Variants in TDRD1 observed in about 807,000 individuals in gnomAD.
TDRD1 encodes the protein tudor domain containing 1.
A neutral mutation model predicts 140.6 loss-of-function variants in TDRD1; 37 were observed. The observed-to-expected ratio is 0.26, with a 90% CI of 0.20 to 0.35. TDRD1 has a LOEUF of 0.35. Ranked by LOEUF, TDRD1 falls within the 10% of genes least tolerant of loss-of-function variation. The probability of loss-of-function intolerance (pLI) is 1.00; values close to 1 mark genes in which losing one functional copy is unlikely to be tolerated. For missense variants in TDRD1, 1,243 were observed against 1,393.0 expected, an observed-to-expected ratio of 0.89 and a Z score of 1.71; for synonymous variants, 506 against 475.7, an observed-to-expected ratio of 1.06 and a Z score of -0.83.
intron 10 of TDRD1, among the ~76,000 whole-genome samples, 189 bp from the exon 11 acceptor site, chr10:114,206,055 T>A (rs2133009752): frequency 6.6e-6 from 1 of 152,342 alleles, no homozygotes; most frequent in South Asian, 2.1e-4. Flanking sequence ...ACTACAGTAA[T>A]TTTGCCTCAG....
chr10:114,230,575 T>C (rs2036700654), intron 25 of TDRD1, among the ~76,000 whole-genome samples: 1 of 152,180 alleles, frequency 6.6e-6, no homozygotes, highest in Admixed American at 6.5e-5. Flanking sequence ...CTTAAAACAG[T>C]TGTGTCAACT....
At chr10:114,205,838 T>C (rs989621229) in intron 10 of TDRD1, among the ~76,000 whole-genome samples, 2 of 152,196 alleles carry the variant, frequency 1.3e-5, no homozygotes, top group Admixed American at 6.5e-5. Context: ...TCAATAATAA[T>C]TGTACATTTT....
chr10:114,205,051 G>A (rs1249231101), intron 10 of TDRD1, among the ~76,000 whole-genome samples, 158 bp downstream of exon 10: 1 of 152,216 alleles, frequency 6.6e-6, no homozygotes, highest in African/African-American at 2.4e-5. Context: ...GTTTGTCAAA[G>A]ACATGACACA....
chr10:114,199,056 TAGG>T, intron 3 of TDRD1, 114 bp from the exon 4 acceptor site: 2 of 1,146,182 alleles, frequency 1.7e-6, no homozygotes, highest in Admixed American at 2.5e-5. Context: ...TTTACCTTAA[TAGG>T]AGGAATAAGG....
intron 11 of TDRD1, 72 bp downstream of exon 11, chr10:114,206,402 C>A: frequency 1.6e-6 from 2 of 1,231,948 alleles, no homozygotes; most frequent in Non-Finnish European, 2.4e-6. Flanking sequence ...TAAACAAAGG[C>A]ACAACTTTAG....
At chr10:114,186,872 G>A (rs1355175175) in intron 1 of TDRD1, among the ~76,000 whole-genome samples, 3 of 152,146 alleles carry the variant, frequency 2.0e-5, no homozygotes, top group Non-Finnish European at 2.9e-5. Flanking sequence ...ATAATAAGTT[G>A]TAGGACACCA....
At chr10:114,212,014 A>G (rs1297148834) in exon 14 of TDRD1, 2 of 1,611,226 alleles carry the variant, frequency 1.2e-6, no homozygotes. Flanking sequence ...TGCCAATGCA[A>G]GCTATAAAGT....
At chr10:114,203,651 A>G (rs2034910441) in intron 8 of TDRD1, 84 bp downstream of exon 8, 10 of 1,247,740 alleles carry the variant, frequency 8.0e-6, no homozygotes, top group Non-Finnish European at 1.1e-5. Context: ...TTAATGATGC[A>G]TGACAAGGCT....
Position 114,202,686 on chromosome 10 carries a change from G to A in TDRD1, c.697-386G>A, listed in dbSNP as rs79826689. On this transcript the variant is annotated intron_variant, in intron 6 of 25. Coordinates refer to ENST00000251864, the Ensembl canonical transcript of TDRD1. Reference sequence around the variant, plus strand: ...GAAAAACATCCGTCGTGTCCAACTCGTATTTATGAATAATTTTTAGCTTTC... The same window carrying A: ...GAAAAACATCCGTCGTGTCCAACTCATATTTATGAATAATTTTTAGCTTTC... Among the ~76,000 whole-genome samples, 1,651 of 152,236 alleles carry A rather than the reference G, an allele frequency of 0.011. 51 individuals carry two copies. The East Asian group carries it at 0.12, about 11-fold the overall frequency.
At chr10:114,227,149 A>G in exon 23 of TDRD1, 1 of 1,609,112 alleles carries the variant, frequency 6.2e-7, no homozygotes, top group Non-Finnish European at 8.5e-7. Context: ...TCAGAATGTA[A>G]TGCTTTCTGT....
At chr10:114,208,665 A>G (rs544882131) in intron 11 of TDRD1, among the ~76,000 whole-genome samples, 1 of 152,218 alleles carries the variant, frequency 6.6e-6, no homozygotes, top group African/African-American at 2.4e-5. Context: ...CTCCTACAAG[A>G]TTTAGACTAT....
chr10:114,226,927 T>C (rs537327339), intron 22 of TDRD1, 145 bp from the exon 23 acceptor site: 7 of 579,246 alleles, frequency 1.2e-5, no homozygotes, highest in African/African-American at 7.5e-5. Context: ...AATTTGTCTT[T>C]TGTAATGCAA....
chr10:114,218,092 T>C (rs977135187), intron 17 of TDRD1, among the ~76,000 whole-genome samples: 3 of 152,242 alleles, frequency 2.0e-5, no homozygotes, highest in Non-Finnish European at 2.9e-5. Context: ...AAGAGTATTA[T>C]ACATCTCCAA....
intron 3 of TDRD1, among the ~76,000 whole-genome samples, chr10:114,197,274 C>T (rs1483595957): frequency 1.3e-5 from 2 of 152,090 alleles, no homozygotes. Context: ...CATTTTCACT[C>T]TTGTTCAGAT....
chr10:114,223,922 C>T (rs545403203), intron 21 of TDRD1, among the ~76,000 whole-genome samples: 1 of 152,284 alleles, frequency 6.6e-6, no homozygotes, highest in South Asian at 2.1e-4. Context: ...AGCTGTTATC[C>T]TGGGTTTTTC....
intron 1 of TDRD1, among the ~76,000 whole-genome samples, chr10:114,185,714 A>G (rs2033463827): frequency 6.6e-6 from 1 of 151,728 alleles, no homozygotes; most frequent in African/African-American, 2.4e-5. Context: ...CAGCCTCCCA[A>G]GTAGCTGGGA....
At chr10:114,203,198 C>T in intron 7 of TDRD1, 22 bp downstream of exon 7, 1 of 1,562,364 alleles carries the variant, frequency 6.4e-7, no homozygotes. Context: ...TCTTCAATCT[C>T]CATAGACACA....
At chr10:114,185,063 G>A (rs61869886) in intron 1 of TDRD1, among the ~76,000 whole-genome samples, 58 of 152,286 alleles carry the variant, frequency 3.8e-4, no homozygotes, top group Admixed American at 6.5e-4. Context: ...AGTAGTAGTT[G>A]TCTAAGATAG....
chr10:114,220,086 A>C (rs1000835409), intron 18 of TDRD1, among the ~76,000 whole-genome samples: 1 of 152,196 alleles, frequency 6.6e-6, no homozygotes. Flanking sequence ...TAGGTGATTG[A>C]GATACATGTT....
Sources: gnomAD v4.1 joint callset for allele counts (sites outside exome capture counted in the v4.1 genomes callset) on GRCh38, gnomAD v4.1.1 for gene constraint, MANE v1.5 for transcripts, NCBI Gene and HGNC (gene_info 2026-07-23, HGNC 2026-07-21) for gene names.